Variants in SGK3 observed in about 807,000 individuals in gnomAD.
The protein encoded by SGK3 is serum/glucocorticoid regulated kinase family member 3, also known as serine/threonine-protein kinase Sgk3.
A neutral mutation model predicts 68.5 loss-of-function variants in SGK3; 47 were observed. The ratio of observed to expected loss-of-function variants is 0.69; its 90% CI spans 0.54 to 0.87. SGK3 has a LOEUF of 0.87. Among genes scored for constraint, SGK3 ranks in the 40% least tolerant of loss-of-function variants. SGK3 has a pLI of 0.00. For missense variants in SGK3, 479 were observed against 575.5 expected (o/e 0.83, Z 1.72); for synonymous variants, 181 against 189.1 (o/e 0.96, Z 0.35).
intron 6 of SGK3, among the ~76,000 whole-genome samples, chr8:66,828,269 CTGTT>C (rs910309567): frequency 3.1e-4 from 47 of 152,292 alleles, no homozygotes; most frequent in African/African-American, 1.1e-3. Context: ...CTTTGATAAA[CTGTT>C]TGAAAACTTG....
chr8:66,769,007 G>A (rs186045008), intron 1 of SGK3, among the ~76,000 whole-genome samples: 1 of 152,224 alleles, frequency 6.6e-6, no homozygotes, highest in African/African-American at 2.4e-5. Context: ...GTGCCTTGGT[G>A]TAATTTTCTT....
chr8:66,741,046 A>G (rs150430549), intron 1 of SGK3, among the ~76,000 whole-genome samples: 14 of 152,192 alleles, frequency 9.2e-5, no homozygotes, highest in Non-Finnish European at 1.8e-4. Flanking sequence ...TTAACCCACA[A>G]TAGCTCTTTA....
intron 3 of SGK3, among the ~76,000 whole-genome samples, chr8:66,802,385 A>G (rs933059383): frequency 6.6e-6 from 1 of 152,114 alleles, no homozygotes; most frequent in Admixed American, 6.5e-5. Flanking sequence ...TAAACTTTTT[A>G]TTATAGAAAT....
At chr8:66,757,404 G>T (rs1402465092) in intron 1 of SGK3, among the ~76,000 whole-genome samples, 1 of 151,772 alleles carries the variant, frequency 6.6e-6, no homozygotes, top group Non-Finnish European at 1.5e-5. Flanking sequence ...CTCTCGAAGG[G>T]CTGGGATTAC....
At chr8:66,788,843 A>G (rs760235048) in intron 1 of SGK3, among the ~76,000 whole-genome samples, 10 of 152,104 alleles carry the variant, frequency 6.6e-5, no homozygotes, top group Non-Finnish European at 1.2e-4. Flanking sequence ...CAGGTGTCCA[A>G]GGTGCTTGCT....
At chr8:66,820,858 C>G (rs1808782619) in intron 5 of SGK3, among the ~76,000 whole-genome samples, 1 of 152,096 alleles carries the variant, frequency 6.6e-6, no homozygotes, top group Non-Finnish European at 1.5e-5. Flanking sequence ...TGCACACCAT[C>G]ATGCCTGGGG....
In SGK3 at chr8:66,779,565, TA is replaced by T. The variant is rs1563622884; in HGVS notation, c.-121-14050del. 1.0e-3 allele frequency among the ~76,000 whole-genome samples: 56 copies of T among 53,764 alleles called. No individual in the cohort carries two copies. In the South Asian group the frequency reaches 0.028, roughly 26 times the overall value. The allele number at this position is 53,764 out of a possible 152,430, so 35.3% of individuals were successfully genotyped here. On this transcript the variant is annotated intron_variant, in intron 1 of 16. Transcript: ENST00000521198. ...ATATGTATATGTATGTGTGTGAATA[TA>T]TATATATATATATATATATATATAT...
intron 1 of SGK3, among the ~76,000 whole-genome samples, chr8:66,784,305 C>T (rs554058888): frequency 2.6e-5 from 4 of 152,292 alleles, no homozygotes; most frequent in Non-Finnish European, 2.9e-5. Context: ...GTACCCTGTT[C>T]CCCTGCTGAG....
intron 1 of SGK3, among the ~76,000 whole-genome samples, chr8:66,733,631 T>G (rs1805231632): frequency 6.6e-6 from 1 of 152,206 alleles, no homozygotes; most frequent in South Asian, 2.1e-4. Flanking sequence ...GATTCACTAA[T>G]TTCAGTAACT....
At chr8:66,724,095 A>AT (rs1364634442) in intron 1 of SGK3, among the ~76,000 whole-genome samples, 1 of 151,950 alleles carries the variant, frequency 6.6e-6, no homozygotes, top group Non-Finnish European at 1.5e-5. Context: ...CTTCCTTTTA[A>AT]TTTTTTTATT....
intron 10 of SGK3, chr8:66,839,712 A>C (rs913798747): frequency 3.7e-6 from 1 of 271,758 alleles, no homozygotes; most frequent in Non-Finnish European, 6.9e-6. Flanking sequence ...AATCTTTTCC[A>C]GAACAGTTGC....
At chr8:66,843,020 G>C (rs899474627) in intron 13 of SGK3, among the ~76,000 whole-genome samples, 1 of 152,156 alleles carries the variant, frequency 6.6e-6, no homozygotes. Context: ...GCAGTGAGCT[G>C]TGATTGTGCC....
At chr8:66,788,065 A>G (rs1187059145) in intron 1 of SGK3, among the ~76,000 whole-genome samples, 2 of 152,138 alleles carry the variant, frequency 1.3e-5, no homozygotes, top group Non-Finnish European at 2.9e-5. Context: ...CCATCCATAA[A>G]CAAGCGTGCC....
At chr8:66,751,360 A>G (rs565857630) in intron 1 of SGK3, among the ~76,000 whole-genome samples, 1 of 152,262 alleles carries the variant, frequency 6.6e-6, no homozygotes, top group South Asian at 2.1e-4. Context: ...CTGTACATAT[A>G]TTTTCAGAGC....
At chr8:66,790,566 T>C (rs867349287) in intron 1 of SGK3, among the ~76,000 whole-genome samples, 2 of 152,216 alleles carry the variant, frequency 1.3e-5, no homozygotes, top group African/African-American at 4.8e-5. Context: ...TCTGCAACCC[T>C]AGACATCAAA....
intron 3 of SGK3, among the ~76,000 whole-genome samples, chr8:66,802,762 A>G (rs1272904490): frequency 1.3e-5 from 2 of 151,842 alleles, no homozygotes; most frequent in Non-Finnish European, 1.5e-5. Context: ...AAGAAGGAGG[A>G]AGGAAGGAAG....
chr8:66,742,003 T>C (rs1438539218), intron 1 of SGK3, among the ~76,000 whole-genome samples: 1 of 152,212 alleles, frequency 6.6e-6, no homozygotes, highest in African/African-American at 2.4e-5. Context: ...TCAAACACAG[T>C]GACGTCTAGT....
chr8:66,716,726 C>T (rs1469522656), intron 1 of SGK3, among the ~76,000 whole-genome samples: 1 of 152,096 alleles, frequency 6.6e-6, no homozygotes, highest in African/African-American at 2.4e-5. Flanking sequence ...TGTGCTTCTC[C>T]TAACAGGGCC....
intron 12 of SGK3, 61 bp downstream of exon 12, chr8:66,840,308 G>T: frequency 6.9e-7 from 1 of 1,452,852 alleles, no homozygotes; most frequent in Non-Finnish European, 9.3e-7. Flanking sequence ...TTTATGCTTA[G>T]TGCAAAAAAA....
Sources: allele counts gnomAD v4.1 joint callset (sites outside exome capture counted in the v4.1 genomes callset), GRCh38; gene constraint gnomAD v4.1.1; transcripts MANE v1.5; gene names NCBI Gene and HGNC (gene_info 2026-07-23, HGNC 2026-07-21).